The following TBC1D19 variants were observed in gnomAD, a reference collection of about 807,000 sequenced individuals.
TBC1D19 encodes TBC1 domain family member 19.
Under a neutral mutation model 89.0 loss-of-function variants are expected in TBC1D19, and 60 were observed. The observed-to-expected ratio is 0.67, with a 90% CI of 0.55 to 0.84. TBC1D19 has a LOEUF of 0.84. Ranked by LOEUF, TBC1D19 falls within the 40% of genes least tolerant of loss-of-function variation. The probability of loss-of-function intolerance (pLI) is 0.00; values close to 1 mark genes in which losing one functional copy is unlikely to be tolerated. For missense variants in TBC1D19, 500 were observed against 610.8 expected, an observed-to-expected ratio of 0.82 and a Z score of 1.91; for synonymous variants, 189 against 199.7, an observed-to-expected ratio of 0.95 and a Z score of 0.45.
At chr4:26,779,557 G>A in the TBC1D19 span, among the ~76,000 whole-genome samples, 1 of 152,160 alleles carries the variant, frequency 6.6e-6, no homozygotes, top group Non-Finnish European at 1.5e-5. Context: ...CCTGTCTCCA[G>A]GCTTCCCAGC....
chr4:26,590,275 A>G (rs572649299), intron 1 of TBC1D19, among the ~76,000 whole-genome samples: 1 of 152,122 alleles, frequency 6.6e-6, no homozygotes, highest in Non-Finnish European at 1.5e-5. Flanking sequence ...TGAATATTGT[A>G]CTGTTTTTCT....
At chr4:26,799,322 G>T in the TBC1D19 span, among the ~76,000 whole-genome samples, 3 of 152,074 alleles carry the variant, frequency 2.0e-5, no homozygotes, top group African/African-American at 7.2e-5. Context: ...GGGTGATGAA[G>T]CAAGACCCTG....
Position 26,658,028 on chromosome 4 carries a change from T to G in TBC1D19, c.481-1569T>G, listed in dbSNP as rs146199184. Among the ~76,000 whole-genome samples, 1,199 of 152,352 alleles carry G rather than the reference T, an allele frequency of 7.9e-3. 8 individuals are homozygous for G. Among genetic ancestry groups the G allele is most frequent in the Middle Eastern group, 0.02 (6 of 294 alleles). On this transcript the variant is annotated intron_variant, in intron 7 of 20. Coordinates refer to ENST00000264866, the MANE Select transcript of TBC1D19 (RefSeq NM_018317.4). ...AGATTGCAAAATTTTTCTCCCATTC[T>G]GTAGGTTGCCTGTTCACTCTGATGA...
Position 26,590,796 on chromosome 4 carries a change from G to GTTTTTTTTTTTTTTTTTTTTTTTTTTT in TBC1D19, c.99+6509_99+6535dup, listed in dbSNP as rs869124166. Among the ~76,000 whole-genome samples, 21 of 52,954 alleles carry GTTTTTTTTTTTTTTTTTTTTTTTTTTT rather than the reference G, an allele frequency of 4.0e-4. 3 individuals carry two copies. The highest frequency in any genetic ancestry group is 1.3e-3 in the Admixed American group (4 of 2,972). 34.7% of individuals were successfully genotyped at this position (52,954 alleles called of 152,430 possible). On this transcript the variant is annotated intron_variant, in intron 1 of 20. Coordinates refer to ENST00000264866, the MANE Select transcript of TBC1D19 (RefSeq NM_018317.4). The stretch of plus-strand genomic sequence containing the variant: ...GGTTCACTCTTTGTCTTGCAGGTCT[G>GTTTTTTTTTTTTTTTTTTTTTTTTTTT]TTTTTTTTTTTTTTTTTTTTTTTTT...
chr4:26,853,202 G>C, the TBC1D19 span, among the ~76,000 whole-genome samples: 1 of 152,146 alleles, frequency 6.6e-6, no homozygotes, highest in Non-Finnish European at 1.5e-5. Context: ...ACTCTAGCTA[G>C]ATCGATCTCA....
chr4:26,837,579 T>A, the TBC1D19 span, among the ~76,000 whole-genome samples: 1 of 152,230 alleles, frequency 6.6e-6, no homozygotes, highest in Non-Finnish European at 1.5e-5. Flanking sequence ...ATATGTGATA[T>A]CATTTGATTT....
At chr4:26,842,340 C>CTT in the TBC1D19 span, among the ~76,000 whole-genome samples, 1,663 of 81,604 alleles carry the variant, frequency 0.02, 111 homozygotes, top group East Asian at 0.039. Flanking sequence ...CTTTTCTTTT[C>CTT]TTTTTTTTTT....
At chr4:26,728,174 C>G (rs1481796296) in intron 15 of TBC1D19, among the ~76,000 whole-genome samples, 1 of 152,148 alleles carries the variant, frequency 6.6e-6, no homozygotes, top group Non-Finnish European at 1.5e-5. Flanking sequence ...TTAATAATGT[C>G]TTCATTTCTG....
chr4:26,744,350 C>T (rs1036663524), intron 18 of TBC1D19, among the ~76,000 whole-genome samples: 4 of 151,196 alleles, frequency 2.6e-5, no homozygotes, highest in African/African-American at 4.8e-5. Context: ...GATTCTTTTT[C>T]TCTGTTGTTT....
chr4:26,842,582 C>CCCTTCCTTCCTT, the TBC1D19 span, among the ~76,000 whole-genome samples: 6 of 95,462 alleles, frequency 6.3e-5, no homozygotes, highest in Non-Finnish European at 8.6e-5. Context: ...CTTCCTCCCT[C>CCCTTCCTTCCTT]CCTTTCTTTC....
rs75191627 is a variant in TBC1D19, at chr4:26,703,513, G to A, written c.955-14420G>A. Among the ~76,000 whole-genome samples the A allele has an allele frequency of 4.7e-3, 709 of 152,280 alleles. 3 individuals are homozygous for A. Among genetic ancestry groups the A allele is most frequent in the South Asian group, 0.018 (85 of 4,830 alleles). The stretch of plus-strand genomic sequence containing the variant: ...GTTGCTGTATAGGAAAATTGTCAAT[G>A]TATAGCAAATTTAATATTCCTGGCC... On this transcript the variant is annotated intron_variant, in intron 13 of 20. Transcript: ENST00000264866.
chr4:26,681,353 C>T (rs933126079), intron 11 of TBC1D19, among the ~76,000 whole-genome samples: 1 of 151,542 alleles, frequency 6.6e-6, no homozygotes, highest in Non-Finnish European at 1.5e-5. Flanking sequence ...TCCTGGCTAA[C>T]ACGGTGAAAC....
the TBC1D19 span, among the ~76,000 whole-genome samples, chr4:26,824,588 T>G: frequency 6.6e-6 from 1 of 152,254 alleles, no homozygotes; most frequent in Non-Finnish European, 1.5e-5. Flanking sequence ...TGCATATTTA[T>G]GAACTTCTAC....
intron 7 of TBC1D19, among the ~76,000 whole-genome samples, chr4:26,651,152 T>A (rs1403846288): frequency 6.6e-6 from 1 of 152,210 alleles, no homozygotes; most frequent in East Asian, 1.9e-4. Context: ...GGTAGCGTGA[T>A]GCCTTCGGCT....
the TBC1D19 span, among the ~76,000 whole-genome samples, chr4:26,798,236 G>A: frequency 4.8e-4 from 73 of 151,932 alleles, no homozygotes; most frequent in African/African-American, 1.6e-3. Flanking sequence ...GGCAATCCTA[G>A]CCATGTCTAC....
At chr4:26,618,904 T>A (rs1240700241) in intron 3 of TBC1D19, among the ~76,000 whole-genome samples, 1 of 152,160 alleles carries the variant, frequency 6.6e-6, no homozygotes, top group Non-Finnish European at 1.5e-5. Flanking sequence ...TAGAGTCAAG[T>A]GTGCTGTATA....
the TBC1D19 span, among the ~76,000 whole-genome samples, chr4:26,853,088 C>T: frequency 1.3e-5 from 2 of 152,228 alleles, no homozygotes; most frequent in South Asian, 4.1e-4. Context: ...TACTCAAAAC[C>T]TTTCAGTGTT....
At chr4:26,604,594 G>A (rs1359096955) in intron 1 of TBC1D19, among the ~76,000 whole-genome samples, 3 of 151,640 alleles carry the variant, frequency 2.0e-5, no homozygotes, top group Non-Finnish European at 4.4e-5. Flanking sequence ...CTATGGGCCG[G>A]GCATGGTGGC....
intron 15 of TBC1D19, among the ~76,000 whole-genome samples, chr4:26,720,927 A>T (rs972120399): frequency 1.3e-5 from 2 of 152,126 alleles, no homozygotes. Flanking sequence ...AGTGCTCAGA[A>T]GATGTAGCTG....
Sources: gnomAD v4.1 joint callset for allele counts (sites outside exome capture counted in the v4.1 genomes callset) on GRCh38, gnomAD v4.1.1 for gene constraint, MANE v1.5 for transcripts, NCBI Gene and HGNC (gene_info 2026-07-23, HGNC 2026-07-21) for gene names.